The following RNF114 variants were observed in gnomAD, a reference collection of about 807,000 sequenced individuals.
RNF114 encodes the protein E3 ubiquitin-protein ligase RNF114.
Under a neutral mutation model 28.4 loss-of-function variants are expected in RNF114, and 6 were observed. The observed-to-expected ratio is 0.21, with a 90% CI of 0.12 to 0.42. The LOEUF (loss-of-function observed/expected upper bound fraction) is 0.42, where lower values mean the gene tolerates loss of function less well. Among genes scored for constraint, RNF114 ranks in the 10% least tolerant of loss-of-function variants. The pLI is 1.00. For synonymous variants in RNF114, 115 were observed against 116.7 expected (o/e 0.99, Z 0.09); for missense variants, 249 against 311.7 (o/e 0.80, Z 1.51).
Position 49,946,246 on chromosome 20 carries a change from C to A in RNF114, c.509C>A (p.Ser170Tyr). ...TTATTCCATAGCACGGATACCAAAT[C>A]TGTGGTGAGTAACCTTTTTTTTTTT... ...CKLFHSTDTK[S>Y]VVCPICASMP... is the part of the protein sequence containing the mutation. Residue 170 changes from serine to tyrosine, a missense_variant, in exon 4 of 6, where the codon TCT becomes TAT. By Grantham distance (144) the Ser-to-Tyr change is moderately radical. Transcript: ENST00000244061. 2.7e-6 allele frequency: 4 copies of A among 1,488,588 alleles called. No individual in the cohort carries two copies. Among genetic ancestry groups the A allele is most frequent in the South Asian group, 1.2e-5 (1 of 82,064 alleles). 92.2% of individuals were successfully genotyped at this position (1,488,588 alleles called of 1,614,324 possible).
intron 4 of RNF114, among the ~76,000 whole-genome samples, chr20:49,948,385 C>A (rs560785228): frequency 6.6e-6 from 1 of 151,618 alleles, no homozygotes; most frequent in South Asian, 2.1e-4. Context: ...TAACTGCCGC[C>A]TTCTGGCCTT....
intron 3 of RNF114, among the ~76,000 whole-genome samples, chr20:49,945,784 A>G (rs984473976): frequency 2.7e-5 from 4 of 150,720 alleles, no homozygotes; most frequent in Non-Finnish European, 4.4e-5. Context: ...TCCTGCCTCA[A>G]CCTCCCAAGT....
intron 4 of RNF114, among the ~76,000 whole-genome samples, chr20:49,946,496 G>A (rs138397908): frequency 6.6e-6 from 1 of 152,184 alleles, no homozygotes; most frequent in Admixed American, 6.6e-5. Context: ...ATACAGGAGT[G>A]TGTATGTCTT....
chr20:49,937,003 C>T, intron 1 of RNF114, among the ~76,000 whole-genome samples: 1 of 151,956 alleles, frequency 6.6e-6, no homozygotes, highest in South Asian at 2.1e-4. Context: ...AAACGCTGAA[C>T]TAGACTAAAA....
At chr20:49,947,673 T>A (rs2090338327) in intron 4 of RNF114, among the ~76,000 whole-genome samples, 3 of 149,950 alleles carry the variant, frequency 2.0e-5, no homozygotes, top group African/African-American at 7.3e-5. Flanking sequence ...CTTTTTCCCC[T>A]CCTTTGGCTT....
At chr20:49,945,353 C>A in intron 2 of RNF114, 29 bp from the exon 3 acceptor site, 1 of 1,471,328 alleles carries the variant, frequency 6.8e-7, no homozygotes, top group Non-Finnish European at 9.5e-7. Flanking sequence ...TCCTCACTAA[C>A]TTATGGGCTC....
chr20:49,945,192 T>C, intron 2 of RNF114, 190 bp from the exon 3 acceptor site: 1 of 527,010 alleles, frequency 1.9e-6, no homozygotes, highest in Non-Finnish European at 3.4e-6. Flanking sequence ...TCGAATAAAA[T>C]AGCAGCCTTG....
intron 1 of RNF114, among the ~76,000 whole-genome samples, chr20:49,936,848 C>T (rs976321964): frequency 6.6e-6 from 1 of 151,432 alleles, no homozygotes; most frequent in Non-Finnish European, 1.5e-5. Flanking sequence ...ATAGTGGACT[C>T]GTGCCCTGCG....
rs2090331043 is a variant in RNF114, at chr20:49,946,275, T to TTA, written c.513+25_513+26insTA. On this transcript the variant is annotated intron_variant, in intron 4 of 5. Coordinates refer to ENST00000244061, the MANE Select transcript of RNF114 (RefSeq NM_018683.4). ...GGTGAGTAACCTTTTTTTTTTTTTT[T>TTA]AAACTTCATTAAGGGAAAGGATCAA... 9 of 1,150,192 alleles carry TTA rather than the reference T, an allele frequency of 7.8e-6. No individual in the cohort carries two copies. In the East Asian group the frequency reaches 1.5e-4, roughly 19 times the overall value. 71.2% of individuals were successfully genotyped at this position (1,150,192 alleles called of 1,614,324 possible). A position where few individuals can be genotyped will look rare whatever the true frequency, so the allele number is the denominator to read the frequency against.
intron 2 of RNF114, among the ~76,000 whole-genome samples, chr20:49,943,687 C>T (rs1239995868): frequency 9.3e-6 from 1 of 107,268 alleles, no homozygotes; most frequent in Non-Finnish European, 1.7e-5. Flanking sequence ...GAGACGGAGT[C>T]TCACTCTGTT....
At chr20:49,936,640 C>G in intron 1 of RNF114, 88 bp downstream of exon 1, 1 of 1,485,562 alleles carries the variant, frequency 6.7e-7, no homozygotes, top group Non-Finnish European at 9.0e-7. Context: ...GGGCGGGAGC[C>G]AGAGGACCCA....
At chr20:49,945,015 G>GA (rs2090324063) in intron 2 of RNF114, 2 of 166,540 alleles carry the variant, frequency 1.2e-5, no homozygotes, top group Admixed American at 1.2e-4. Flanking sequence ...GCACATAACA[G>GA]AATGTGGTTT....
chr20:49,951,925 T>A, intron 5 of RNF114, 151 bp from the exon 6 acceptor site: 1 of 616,124 alleles, frequency 1.6e-6, no homozygotes, highest in East Asian at 2.7e-5. Flanking sequence ...TTCCCAAAGT[T>A]ACATACCTAG....
chr20:49,952,517 T>C lies in RNF114; in HGVS notation c.*376T>C, dbSNP rs529094882. On this transcript the variant is annotated 3_prime_UTR_variant, in exon 6 of 6. Transcript: ENST00000244061. ...GTCCTTCAAGCCAGCCAGGACCTTTTCTGGGTCATGAATAGCACAATGAAG... is the reference window on the plus strand; with the variant it reads ...GTCCTTCAAGCCAGCCAGGACCTTTCCTGGGTCATGAATAGCACAATGAAG... 6 of 423,032 alleles carry C rather than the reference T, an allele frequency of 1.4e-5. No individual in the cohort carries two copies. The highest frequency in any genetic ancestry group is 9.8e-5 in the African/African-American group (5 of 50,796). The allele number at this position is 423,032 out of a possible 1,614,324, so 26.2% of individuals were successfully genotyped here.
At chr20:49,940,520 T>C (rs1311317425) in intron 1 of RNF114, among the ~76,000 whole-genome samples, 1 of 152,008 alleles carries the variant, frequency 6.6e-6, no homozygotes, top group African/African-American at 2.4e-5. Flanking sequence ...GTTCATGCCA[T>C]TCTCCTGCCT....
chr20:49,936,784 CTGTT>C (rs1460149464), intron 1 of RNF114, among the ~76,000 whole-genome samples: 2 of 152,052 alleles, frequency 1.3e-5, no homozygotes, highest in African/African-American at 2.4e-5. Context: ...CAGCTGCTGT[CTGTT>C]GAGCGCCTGC....
rs539779208 is a variant in RNF114, at chr20:49,947,249, G to A, written c.513+999G>A. Among the ~76,000 whole-genome samples, 159 of 118,678 alleles carry A rather than the reference G, an allele frequency of 1.3e-3. 1 individual carries two copies. Among genetic ancestry groups the A allele is most frequent in the Non-Finnish European group, 2.0e-3 (122 of 61,044 alleles). 77.9% of individuals were successfully genotyped at this position (118,678 alleles called of 152,430 possible). On this transcript the variant is annotated intron_variant, in intron 4 of 5. Coordinates refer to ENST00000244061, the MANE Select transcript of RNF114 (RefSeq NM_018683.4). ...CCCCCCCCCCCCCAAAAAAGTATTT[G>A]TTCCATCTTAGCAATGTGTTACCTT...
At chr20:49,941,808 A>G in intron 2 of RNF114, 97 bp downstream of exon 2, 2 of 1,363,330 alleles carry the variant, frequency 1.5e-6, no homozygotes, top group Non-Finnish European at 2.0e-6. Context: ...GAGCATGACT[A>G]GGTCACTAAC....
intron 4 of RNF114, among the ~76,000 whole-genome samples, chr20:49,946,757 C>T (rs1600871111): frequency 6.6e-6 from 1 of 152,114 alleles, no homozygotes. Flanking sequence ...ACTTGGTTCC[C>T]TTGGTGTCCA....
Sources: allele counts gnomAD v4.1 joint callset (sites outside exome capture counted in the v4.1 genomes callset), GRCh38; gene constraint gnomAD v4.1.1; transcripts MANE v1.5; gene names NCBI Gene and HGNC (gene_info 2026-07-23, HGNC 2026-07-21).